MYBPC1: variants seen among roughly 807,000 people sequenced by gnomAD.
MYBPC1 encodes the protein myosin-binding protein C, slow-type.
A neutral mutation model predicts 147.1 loss-of-function variants in MYBPC1; 52 were observed. The observed-to-expected ratio is 0.35, with a 90% CI of 0.28 to 0.45. The LOEUF is 0.45. Ranked by LOEUF, MYBPC1 falls within the 20% of genes least tolerant of loss-of-function variation. The pLI is 1.00. For missense variants in MYBPC1, 1,228 were observed against 1,440.3 expected, an observed-to-expected ratio of 0.85 and a Z score of 2.39; for synonymous variants, 477 against 475.9, an observed-to-expected ratio of 1.00 and a Z score of -0.03.
intron 3 of MYBPC1, among the ~76,000 whole-genome samples, chr12:101,618,360 C>T (rs887496488): frequency 1.3e-5 from 2 of 152,146 alleles, no homozygotes; most frequent in African/African-American, 2.4e-5. Context: ...ATCCTGGCCA[C>T]GTGGGCGCAG....
At chr12:101,652,077 C>T (rs11110922) in intron 16 of MYBPC1, among the ~76,000 whole-genome samples, 33,650 of 152,152 alleles carry the variant, frequency 0.22, 3,996 homozygotes, top group Middle Eastern at 0.34. Flanking sequence ...ACATAATATC[C>T]TAGAATCTGG....
chr12:101,646,313 C>T (rs1169422431), intron 12 of MYBPC1, among the ~76,000 whole-genome samples: 6 of 149,012 alleles, frequency 4.0e-5, no homozygotes, highest in African/African-American at 9.9e-5. Flanking sequence ...TTTGGTTTGA[C>T]GTTAAACTGT....
At chr12:101,663,916 T>C (rs770901228) in intron 22 of MYBPC1, among the ~76,000 whole-genome samples, 4 of 152,188 alleles carry the variant, frequency 2.6e-5, no homozygotes, top group Admixed American at 6.5e-5. Context: ...CAGTTGGAAA[T>C]TCTAAAACCT....
chr12:101,670,249 C>A, intron 23 of MYBPC1, 72 bp from the exon 24 acceptor site: 1 of 1,181,222 alleles, frequency 8.5e-7, no homozygotes, highest in Non-Finnish European at 1.3e-6. Context: ...AGCATCATGC[C>A]ATTTTGCTTT....
chr12:101,640,166 CA>C (rs1565939401), intron 10 of MYBPC1, among the ~76,000 whole-genome samples: 1 of 152,144 alleles, frequency 6.6e-6, no homozygotes, highest in Non-Finnish European at 1.5e-5. Flanking sequence ...CATGCGCCAC[CA>C]TGCCCAGCTA....
the MYBPC1 span, among the ~76,000 whole-genome samples, chr12:101,692,985 C>T: frequency 0.013 from 1,725 of 135,670 alleles, 18 homozygotes; most frequent in Non-Finnish European, 0.018. Flanking sequence ...CTTGCTCTGT[C>T]GCCCAGGCTA....
chr12:101,607,399 A>T (rs900454662), intron 1 of MYBPC1, among the ~76,000 whole-genome samples: 2 of 152,220 alleles, frequency 1.3e-5, no homozygotes, highest in Non-Finnish European at 2.9e-5. Context: ...ATTCATCATG[A>T]TGTTTACTAA....
chr12:101,596,922 G>C (rs1593549329), intron 1 of MYBPC1, among the ~76,000 whole-genome samples: 1 of 152,166 alleles, frequency 6.6e-6, no homozygotes, highest in Non-Finnish European at 1.5e-5. Flanking sequence ...TTTGGTTAGT[G>C]TAAATTTGGA....
chr12:101,642,391 A>C lies in MYBPC1; in HGVS notation c.666-28A>C, dbSNP rs761628067. The stretch of plus-strand genomic sequence containing the variant: ...GTCTCTAAGGGTCAGTGCAGCTACT[A>C]AACTAGACCATGGTTCTCCCCGGTT... On this transcript the variant is annotated intron_variant, in intron 10 of 31. Coordinates refer to ENST00000361466, the MANE Select transcript of MYBPC1 (RefSeq NM_002465.4). 7 of 1,613,214 alleles carry C rather than the reference A, an allele frequency of 4.3e-6. No homozygotes were observed. The South Asian group carries it at 4.4e-5, about 10-fold the overall frequency.
chr12:101,613,863 C>T (rs1475684275), intron 1 of MYBPC1, among the ~76,000 whole-genome samples: 7 of 152,190 alleles, frequency 4.6e-5, no homozygotes, highest in Admixed American at 4.6e-4. Context: ...ATTGCACCGT[C>T]CTTGTAAAAC....
At chr12:101,622,986 T>C (rs1887779130) in intron 3 of MYBPC1, among the ~76,000 whole-genome samples, 1 of 152,180 alleles carries the variant, frequency 6.6e-6, no homozygotes, top group Non-Finnish European at 1.5e-5. Flanking sequence ...GTCCTCCAAA[T>C]AGTCTTAACA....
At chr12:101,679,148 CAAAA>C (rs61500343) in intron 28 of MYBPC1, among the ~76,000 whole-genome samples, 2 of 105,968 alleles carry the variant, frequency 1.9e-5, no homozygotes, top group Admixed American at 1.0e-4. Context: ...GACTCCGTCT[CAAAA>C]AAAAAAAAAA....
chr12:101,608,227 G>T (rs1882989684), intron 1 of MYBPC1, among the ~76,000 whole-genome samples: 1 of 152,194 alleles, frequency 6.6e-6, no homozygotes, highest in South Asian at 2.1e-4. Context: ...AGCCGCCCTT[G>T]CCCAGGAAAG....
At chr12:101,629,133 A>G (rs1889271411) in intron 5 of MYBPC1, 1 of 395,498 alleles carries the variant, frequency 2.5e-6, no homozygotes, top group Non-Finnish European at 4.8e-6. Flanking sequence ...GACAGGCAAG[A>G]TGGGGAAGCA....
chr12:101,690,647 C>A (rs1383648707), downstream of MYBPC1, among the ~76,000 whole-genome samples: 2 of 152,104 alleles, frequency 1.3e-5, no homozygotes, highest in Non-Finnish European at 2.9e-5. Flanking sequence ...TGCTAAGAAC[C>A]GTGTCTCTGA....
intron 3 of MYBPC1, among the ~76,000 whole-genome samples, chr12:101,619,079 T>C (rs1886809641): frequency 6.6e-6 from 1 of 152,008 alleles, no homozygotes; most frequent in African/African-American, 2.4e-5. Context: ...ATGCAAAAAG[T>C]AGACACAATA....
Position 101,685,718 on chromosome 12 carries a change from G to A in MYBPC1, c.*156G>A, listed in dbSNP as rs1208768521. 9 of 1,399,534 alleles carry A rather than the reference G, an allele frequency of 6.4e-6. No individual in the cohort carries two copies. The highest frequency in any genetic ancestry group is 3.5e-4 in the Middle Eastern group (2 of 5,716). 86.7% of individuals were successfully genotyped at this position (1,399,534 alleles called of 1,614,324 possible). On this transcript the variant is annotated 3_prime_UTR_variant, in exon 32 of 32. Coordinates refer to ENST00000361466, the MANE Select transcript of MYBPC1 (RefSeq NM_002465.4). The stretch of plus-strand genomic sequence containing the variant: ...GGCTACTGTCTCTCTGCACTCTGCT[G>A]CTTTGAAATCTGGTTGAAATGAGAA...
At chr12:101,682,148 T>C (rs1951044787) in intron 29 of MYBPC1, among the ~76,000 whole-genome samples, 1 of 152,114 alleles carries the variant, frequency 6.6e-6, no homozygotes, top group Non-Finnish European at 1.5e-5. Flanking sequence ...GCTAGCCTTA[T>C]TAGTTCCAAA....
intron 5 of MYBPC1, 52 bp downstream of exon 5, chr12:101,627,856 A>C: frequency 6.5e-7 from 1 of 1,550,212 alleles, no homozygotes; most frequent in Non-Finnish European, 8.9e-7. Flanking sequence ...TACAATCACT[A>C]ATGAGCTCAT....
Sources: gnomAD v4.1 joint callset for allele counts (sites outside exome capture counted in the v4.1 genomes callset) on GRCh38, gnomAD v4.1.1 for gene constraint, MANE v1.5 for transcripts, NCBI Gene and HGNC (gene_info 2026-07-23, HGNC 2026-07-21) for gene names.